CD99L2: variants seen among roughly 807,000 people sequenced by gnomAD.
The protein encoded by CD99L2 is CD99 molecule like 2, also known as CD99 antigen-like protein 2.
A neutral mutation model predicts 27.3 loss-of-function variants in CD99L2; 24 were observed. The observed-to-expected ratio is 0.88, with a 90% confidence interval of 0.64 to 1.24. CD99L2 has a LOEUF of 1.24. CD99L2 is among the 50% of genes most tolerant of loss of function. The pLI, the probability that CD99L2 is intolerant of heterozygous loss-of-function variation, is 0.00. For missense variants in CD99L2, 255 were observed against 221.6 expected, an observed-to-expected ratio of 1.15 and a Z score of -0.96; for synonymous variants, 97 against 87.9, an observed-to-expected ratio of 1.10 and a Z score of -0.58.
chrX:150,784,586 T>A (rs2045565417), intron 7 of CD99L2, among the ~76,000 whole-genome samples: 1 of 112,222 alleles, frequency 8.9e-6, no homozygotes. Flanking sequence ...GCTCTCGCAC[T>A]CCTTTGAGGT....
intron 1 of CD99L2, among the ~76,000 whole-genome samples, chrX:150,885,628 T>C (rs1254651466): frequency 1.8e-5 from 2 of 112,488 alleles, no homozygotes; most frequent in African/African-American, 3.2e-5. Flanking sequence ...ACGAAGAGTA[T>C]GTATTACTCT....
chrX:150,808,044 T>C (rs1291425533), intron 4 of CD99L2, among the ~76,000 whole-genome samples: 1 of 112,590 alleles, frequency 8.9e-6, no homozygotes, highest in African/African-American at 3.2e-5. Context: ...ATTCAAATAT[T>C]TTACTAAACT....
chrX:150,836,772 G>C (rs1557421213), intron 1 of CD99L2, among the ~76,000 whole-genome samples: 2 of 111,900 alleles, frequency 1.8e-5, no homozygotes, highest in Non-Finnish European at 3.8e-5. Flanking sequence ...ACACACCTAG[G>C]CTGTATGGTA....
At chrX:150,891,938 G>A (rs1343978936) in intron 1 of CD99L2, among the ~76,000 whole-genome samples, 10 of 112,005 alleles carry the variant, frequency 8.9e-5, no homozygotes, top group South Asian at 7.5e-4. Flanking sequence ...TGAGCCAGGC[G>A]TGGTGGCTCA....
At chrX:150,864,781 A>G (rs1255731010) in intron 1 of CD99L2, among the ~76,000 whole-genome samples, 1 of 112,866 alleles carries the variant, frequency 8.9e-6, no homozygotes, top group Non-Finnish European at 1.9e-5. Context: ...TGCATATTTA[A>G]TGACATATAA....
chrX:150,833,276 C>T (rs782319666), intron 1 of CD99L2, among the ~76,000 whole-genome samples: 2 of 111,228 alleles, frequency 1.8e-5, no homozygotes, highest in African/African-American at 3.3e-5. Context: ...TACCTCCTAA[C>T]CTGTACCTTG....
At chrX:150,878,691 T>C (rs1401670915) in intron 1 of CD99L2, among the ~76,000 whole-genome samples, 1 of 111,961 alleles carries the variant, frequency 8.9e-6, no homozygotes, top group Admixed American at 9.5e-5. Context: ...CATGGGAAGA[T>C]AAATTTCAAA....
chrX:150,824,361 G>GGAA (rs781975495), intron 2 of CD99L2, among the ~76,000 whole-genome samples: 63 of 81,200 alleles, frequency 7.8e-4, no homozygotes, highest in Middle Eastern at 8.5e-3. Context: ...GAAGGAAGAA[G>GGAA]GAAGAAGAAG....
At chrX:150,896,778 G>A (rs1488753978) in intron 1 of CD99L2, among the ~76,000 whole-genome samples, 1 of 112,431 alleles carries the variant, frequency 8.9e-6, no homozygotes, top group Non-Finnish European at 1.9e-5. Context: ...TATGCCTAGG[G>A]CTTAAAGGCA....
chrX:150,770,249 T>C (rs2043419962), intron 10 of CD99L2, 55 bp downstream of exon 10: 1 of 1,097,386 alleles, frequency 9.1e-7, no homozygotes, highest in East Asian at 3.0e-5. Context: ...TTCTGCTCAG[T>C]GCTGGGACCA....
chrX:150,816,823 A>T (rs982662259), intron 2 of CD99L2, among the ~76,000 whole-genome samples: 3 of 109,726 alleles, frequency 2.7e-5, no homozygotes, highest in Non-Finnish European at 3.8e-5. Flanking sequence ...ATAGACTGGA[A>T]TAAGAAAATG....
intron 9 of CD99L2, among the ~76,000 whole-genome samples, chrX:150,775,254 G>A (rs1472734527): frequency 1.8e-5 from 2 of 111,707 alleles, no homozygotes; most frequent in African/African-American, 6.5e-5. Context: ...GCATCAAAGG[G>A]GCCGGGGAAG....
chrX:150,770,674 G>A (rs950148352), intron 9 of CD99L2, among the ~76,000 whole-genome samples: 5 of 113,247 alleles, frequency 4.4e-5, no homozygotes, highest in Non-Finnish European at 7.5e-5. Context: ...GCTCCGCCCA[G>A]TGGAGGGGGC....
chrX:150,777,079 AT>A (rs1294066017), intron 8 of CD99L2: 1 of 235,608 alleles, frequency 4.2e-6, no homozygotes, highest in Non-Finnish European at 7.4e-6. Flanking sequence ...GTGAACCTGC[AT>A]TTTTACATAA....
rs189663433 is a variant in CD99L2, at chrX:150,867,791, G to A, written c.67+30731C>T. Among the ~76,000 whole-genome samples, 388 of 107,860 alleles carry A rather than the reference G, an allele frequency of 3.6e-3. 2 individuals are homozygous for A. Among genetic ancestry groups the A allele is most frequent in the African/African-American group, 0.012 (369 of 29,522 alleles). The allele number at this position is 107,860 out of a possible 115,157, so 93.7% of individuals were successfully genotyped here. ...GCCTATAATCCCAGCTACTCGGGAG[G>A]CTGAGGCAGGAGAATCGCTTGAACC... On this transcript the variant is annotated intron_variant, in intron 1 of 10. Coordinates refer to ENST00000370377, the MANE Select transcript of CD99L2 (RefSeq NM_031462.4).
chrX:150,879,750 T>TTAAA (rs1557422434), intron 1 of CD99L2, among the ~76,000 whole-genome samples: 427 of 19,376 alleles, frequency 0.022, 7 homozygotes, highest in African/African-American at 0.035. Context: ...CTACAAAAAC[T>TTAAA]AAAAAAAAAA....
intron 4 of CD99L2, among the ~76,000 whole-genome samples, chrX:150,796,027 T>C (rs1240995902): frequency 8.9e-6 from 1 of 112,719 alleles, no homozygotes; most frequent in Non-Finnish European, 1.9e-5. Flanking sequence ...AATATGGACT[T>C]CTTTCACACC....
intron 4 of CD99L2, among the ~76,000 whole-genome samples, chrX:150,808,046 T>C (rs1459063725): frequency 8.9e-6 from 1 of 112,700 alleles, no homozygotes; most frequent in East Asian, 2.8e-4. Context: ...TCAAATATTT[T>C]ACTAAACTGC....
At chrX:150,771,844 T>C in intron 9 of CD99L2, 1 of 1,154,650 alleles carries the variant, frequency 8.7e-7, no homozygotes, top group Middle Eastern at 2.3e-4. Flanking sequence ...ACACAAAGCT[T>C]AGAATCCCTG....
Sources: gnomAD v4.1 joint callset for allele counts (sites outside exome capture counted in the v4.1 genomes callset) on GRCh38, gnomAD v4.1.1 for gene constraint, MANE v1.5 for transcripts, NCBI Gene and HGNC (gene_info 2026-07-23, HGNC 2026-07-21) for gene names.